Variants in FBXL17 observed in about 807,000 individuals in gnomAD.
FBXL17 encodes the protein F-box and leucine rich repeat protein 17.
FBXL17 carries 22 observed loss-of-function variants against 66.2 expected under a neutral mutation model. The observed-to-expected ratio is 0.33, with a 90% CI of 0.24 to 0.47. The LOEUF is 0.47. Ranked by LOEUF, FBXL17 falls within the 20% of genes least tolerant of loss-of-function variation. The pLI is 1.00. For missense variants in FBXL17, 878 were observed against 948.2 expected, an observed-to-expected ratio of 0.93 and a Z score of 0.97; for synonymous variants, 474 against 400.5, an observed-to-expected ratio of 1.18 and a Z score of -2.19.
chr5:107,937,365 G>T (rs1220234522), intron 7 of FBXL17, among the ~76,000 whole-genome samples: 2 of 152,098 alleles, frequency 1.3e-5, no homozygotes, highest in Non-Finnish European at 2.9e-5. Context: ...GTGTTAGACT[G>T]ATTTTTGTCC....
At chr5:108,267,909 G>A (rs189813676) in intron 4 of FBXL17, among the ~76,000 whole-genome samples, 2 of 152,106 alleles carry the variant, frequency 1.3e-5, no homozygotes, top group Admixed American at 1.3e-4. Flanking sequence ...TGTTTTAAAT[G>A]TATTTTCTAA....
intron 6 of FBXL17, among the ~76,000 whole-genome samples, chr5:108,171,981 T>G (rs1489185727): frequency 3.3e-5 from 5 of 152,210 alleles, no homozygotes; most frequent in African/African-American, 1.2e-4. Context: ...AGACGTGACT[T>G]GCTCCTCCTT....
chr5:108,206,343 A>G (rs548309775), intron 5 of FBXL17, among the ~76,000 whole-genome samples: 1 of 152,168 alleles, frequency 6.6e-6, no homozygotes, highest in Admixed American at 6.5e-5. Context: ...AGTTCCAAAG[A>G]TGACCAATGC....
intron 6 of FBXL17, among the ~76,000 whole-genome samples, chr5:108,132,265 C>T (rs975425608): frequency 3.9e-5 from 6 of 152,074 alleles, no homozygotes; most frequent in South Asian, 2.1e-4. Context: ...CATGAGCCAC[C>T]GTGCCCAGCC....
chr5:108,016,403 C>G (rs1321164513), intron 7 of FBXL17, among the ~76,000 whole-genome samples: 1 of 152,034 alleles, frequency 6.6e-6, no homozygotes, highest in East Asian at 1.9e-4. Flanking sequence ...TGTTTCCAGT[C>G]CTCTTTAATT....
At chr5:107,930,019 C>T (rs1241659073) in intron 7 of FBXL17, among the ~76,000 whole-genome samples, 2 of 152,192 alleles carry the variant, frequency 1.3e-5, no homozygotes, top group Non-Finnish European at 2.9e-5. Flanking sequence ...TGGCCACTGT[C>T]ACCCTTCCTC....
chr5:108,298,942 A>G, intron 4 of FBXL17: 1 of 948,838 alleles, frequency 1.1e-6, no homozygotes, highest in Non-Finnish European at 1.3e-6. Context: ...AATATTATTT[A>G]CTTTCAGTTT....
At chr5:108,153,491 G>A (rs1048978592) in intron 6 of FBXL17, among the ~76,000 whole-genome samples, 2 of 152,048 alleles carry the variant, frequency 1.3e-5, no homozygotes, top group Admixed American at 6.6e-5. Context: ...CAATAAACCT[G>A]ATATTAAATA....
chr5:107,894,519 T>TGCAA (rs1325436455), intron 7 of FBXL17, among the ~76,000 whole-genome samples: 1 of 152,142 alleles, frequency 6.6e-6, no homozygotes, highest in East Asian at 1.9e-4. Context: ...GGGCATATGA[T>TGCAA]GCAAGATTCC....
intron 7 of FBXL17, among the ~76,000 whole-genome samples, chr5:107,888,449 T>G (rs1749045381): frequency 6.6e-6 from 1 of 152,188 alleles, no homozygotes; most frequent in South Asian, 2.1e-4. Context: ...TTCACACAGC[T>G]GTGTGACAGT....
intron 6 of FBXL17, among the ~76,000 whole-genome samples, chr5:108,067,742 T>C (rs182148787): frequency 6.6e-6 from 1 of 152,336 alleles, no homozygotes; most frequent in East Asian, 1.9e-4. Flanking sequence ...GATCTGCTCC[T>C]ACATATTTCC....
intron 6 of FBXL17, among the ~76,000 whole-genome samples, chr5:108,155,467 A>T (rs1356309371): frequency 6.6e-6 from 1 of 152,146 alleles, no homozygotes; most frequent in Admixed American, 6.5e-5. Flanking sequence ...GTGAGACGAG[A>T]TCGCACCACT....
At chr5:108,211,724 G>A (rs530033378) in intron 5 of FBXL17, among the ~76,000 whole-genome samples, 4 of 152,106 alleles carry the variant, frequency 2.6e-5, no homozygotes, top group Non-Finnish European at 5.9e-5. Context: ...TTCCCTTTGT[G>A]GGTAACCCAA....
intron 6 of FBXL17, among the ~76,000 whole-genome samples, chr5:108,159,541 G>A (rs1752128067): frequency 6.6e-6 from 1 of 152,152 alleles, no homozygotes; most frequent in African/African-American, 2.4e-5. Context: ...TCTACTATGT[G>A]AGGACTCAGT....
At chr5:107,963,361 A>G (rs1391035870) in intron 7 of FBXL17, among the ~76,000 whole-genome samples, 1 of 151,960 alleles carries the variant, frequency 6.6e-6, no homozygotes, top group East Asian at 1.9e-4. Context: ...GTGTGTGTGT[A>G]TGTGTATATT....
intron 7 of FBXL17, among the ~76,000 whole-genome samples, chr5:107,997,031 A>G (rs1482185301): frequency 1.3e-5 from 2 of 152,194 alleles, no homozygotes; most frequent in African/African-American, 4.8e-5. Context: ...ATCAGGGCTG[A>G]GACTGGAAAC....
chr5:108,204,691 T>C (rs1242807700), intron 5 of FBXL17, among the ~76,000 whole-genome samples: 2 of 152,192 alleles, frequency 1.3e-5, no homozygotes, highest in Non-Finnish European at 2.9e-5. Context: ...TATATGTTAA[T>C]ACATATTATC....
chr5:108,071,820 T>C (rs1006060905), intron 6 of FBXL17, among the ~76,000 whole-genome samples: 1 of 152,182 alleles, frequency 6.6e-6, no homozygotes, highest in Non-Finnish European at 1.5e-5. Flanking sequence ...GTTATTGGTA[T>C]GTTATAATCT....
intron 6 of FBXL17, among the ~76,000 whole-genome samples, chr5:108,056,844 C>G (rs532855469): frequency 5.3e-5 from 8 of 152,274 alleles, no homozygotes; most frequent in African/African-American, 1.9e-4. Flanking sequence ...AATTTTAAGA[C>G]CATTTCTGCA....
Sources: gnomAD v4.1 joint callset for allele counts (sites outside exome capture counted in the v4.1 genomes callset) on GRCh38, gnomAD v4.1.1 for gene constraint, MANE v1.5 for transcripts, NCBI Gene and HGNC (gene_info 2026-07-23, HGNC 2026-07-21) for gene names.